GBF1: variants seen among roughly 807,000 people sequenced by gnomAD.
The protein encoded by GBF1 is Golgi-specific brefeldin A-resistance guanine nucleotide exchange factor 1.
A neutral mutation model predicts 210.5 loss-of-function variants in GBF1; 114 were observed. The ratio of observed to expected loss-of-function variants is 0.54; its 90% confidence interval spans 0.47 to 0.63. GBF1 has a LOEUF of 0.63. Among genes scored for constraint, GBF1 ranks in the 30% least tolerant of loss-of-function variants. The pLI, the probability that GBF1 is intolerant of heterozygous loss-of-function variation, is 0.00. For synonymous variants in GBF1, 850 were observed against 889.2 expected (o/e 0.96, Z 0.78); for missense variants, 1,851 against 2,357.7 (o/e 0.79, Z 4.45).
intron 3 of GBF1, among the ~76,000 whole-genome samples, chr10:102,295,318 T>C (rs1358768389): frequency 6.6e-6 from 1 of 152,226 alleles, no homozygotes; most frequent in African/African-American, 2.4e-5. Context: ...TTCTGTGCCA[T>C]CTAAGGACAT....
At chr10:102,269,880 A>ATT (rs776817923) in intron 3 of GBF1, among the ~76,000 whole-genome samples, 31 of 141,856 alleles carry the variant, frequency 2.2e-4, no homozygotes, top group Non-Finnish European at 2.2e-4. Context: ...ATTCTCTCCA[A>ATT]TTTTTTTTTT....
Sources: allele counts gnomAD v4.1 joint callset (sites outside exome capture counted in the v4.1 genomes callset), GRCh38; gene constraint gnomAD v4.1.1; transcripts MANE v1.5; gene names NCBI Gene and HGNC (gene_info 2026-07-23, HGNC 2026-07-21).